The following SDK1 variants were observed in gnomAD, a reference collection of about 807,000 sequenced individuals.
SDK1 encodes the protein protein sidekick-1.
SDK1 carries 157 observed loss-of-function variants against 245.5 expected under a neutral mutation model. That is an observed-to-expected ratio of 0.64 (90% CI 0.56 to 0.73). The LOEUF (loss-of-function observed/expected upper bound fraction) is 0.73, where lower values mean the gene tolerates loss of function less well. Among genes scored for constraint, SDK1 ranks in the 30% least tolerant of loss-of-function variants. The pLI is 0.00. For missense variants in SDK1, 3,583 were observed against 3,002.3 expected, an observed-to-expected ratio of 1.19 and a Z score of -4.52; for synonymous variants, 1,647 against 1,278.5, an observed-to-expected ratio of 1.29 and a Z score of -6.15.
At position 4,245,814 on chromosome 7, in the gene SDK1, C is replaced by G. The variant is rs562789978; in HGVS notation, c.6381+9C>G. 1.2e-6 allele frequency: 2 copies of G among 1,613,552 alleles called. No homozygotes were observed. The highest frequency in any genetic ancestry group is 2.7e-5 in the African/African-American group (2 of 75,034). ...ATGCATCAGAATCTGAGGTCAGTGTCGGTGCCTACTTCCGGGCAGTGACCA... is the reference window on the plus strand; with the variant it reads ...ATGCATCAGAATCTGAGGTCAGTGTGGGTGCCTACTTCCGGGCAGTGACCA... On this transcript the variant is annotated intron_variant, in intron 44 of 44. Transcript: ENST00000404826.
At chr7:3,446,824 A>G (rs1780356134) in intron 1 of SDK1, among the ~76,000 whole-genome samples, 1 of 152,156 alleles carries the variant, frequency 6.6e-6, no homozygotes, top group South Asian at 2.1e-4. Context: ...TGAACAGTCA[A>G]GTGGGTTTGC....
At chr7:3,670,911 AACCTTCTTTGATTCC>A (rs2128662718) in intron 4 of SDK1, among the ~76,000 whole-genome samples, 1 of 152,332 alleles carries the variant, frequency 6.6e-6, no homozygotes, top group Admixed American at 6.5e-5. Context: ...TTTTTTAGGA[AACCTTCTTTGATTCC>A]TACAAGGACA....
rs754503468 is a variant in SDK1 at position 3,951,825 on chromosome 7, C to T, written c.1055C>T (p.Pro352Leu). ...GGAAGACGCCTCACCATCAGCAACC[C>T]GACGTCCGCGGACACCGGGCCATAC... ...SFGRRLTISN[P>L]TSADTGPYVC... Residue 352 changes from proline to leucine, a missense_variant, in exon 7 of 45, where the codon CCG becomes CTG. Physicochemically the swap from Pro to Leu is moderately conservative, Grantham distance 98. Coordinates refer to ENST00000404826, the MANE Select transcript of SDK1 (RefSeq NM_152744.4). 10 of 1,613,746 alleles carry T rather than the reference C, an allele frequency of 6.2e-6. No homozygotes were observed. Among genetic ancestry groups the T allele is most frequent in the African/African-American group, 1.3e-5 (1 of 74,920 alleles).
At chr7:3,842,710 C>A (rs926332653) in intron 5 of SDK1, among the ~76,000 whole-genome samples, 24 of 152,140 alleles carry the variant, frequency 1.6e-4, no homozygotes, top group Non-Finnish European at 5.9e-5. Context: ...CCTAGACCAG[C>A]TAAAATGCTG....
chr7:3,562,166 C>T (rs1044489408), intron 1 of SDK1, among the ~76,000 whole-genome samples: 10 of 152,152 alleles, frequency 6.6e-5, no homozygotes, highest in African/African-American at 2.4e-4. Context: ...CTGCATAGCA[C>T]CCTAGTGAAA....
At chr7:3,820,105 C>T (rs1011913704) in intron 4 of SDK1, among the ~76,000 whole-genome samples, 4 of 152,180 alleles carry the variant, frequency 2.6e-5, no homozygotes, top group African/African-American at 9.7e-5. Flanking sequence ...ATCTTACCTT[C>T]TATGCCAAAT....
chr7:3,633,943 T>A lies in SDK1; in HGVS notation c.459-5061T>A, dbSNP rs1287057567. On this transcript the variant is annotated intron_variant, in intron 2 of 44. Transcript: ENST00000404826. ...CTTGAGCCACTGCCCTAGTTGGCAC[T>A]GGACACTCCCCTACTCCCCTGGACT... Among the ~76,000 whole-genome samples, 5 of 152,062 alleles carry A rather than the reference T, an allele frequency of 3.3e-5. No homozygotes were observed. In the East Asian group the frequency reaches 9.7e-4, roughly 29 times the overall value.
At chr7:3,775,816 T>G (rs1239172776) in intron 4 of SDK1, among the ~76,000 whole-genome samples, 1 of 152,156 alleles carries the variant, frequency 6.6e-6, no homozygotes, top group East Asian at 1.9e-4. Flanking sequence ...GACCTCATGA[T>G]CCACCCGCCT....
intron 4 of SDK1, among the ~76,000 whole-genome samples, chr7:3,672,677 GTTA>G (rs1021306810): frequency 3.9e-5 from 5 of 129,220 alleles, no homozygotes; most frequent in Non-Finnish European, 8.1e-5. Context: ...ATATAAATTT[GTTA>G]TTAAATAAAA....
At chr7:3,487,126 T>A (rs1021779613) in intron 1 of SDK1, among the ~76,000 whole-genome samples, 1 of 152,186 alleles carries the variant, frequency 6.6e-6, no homozygotes, top group African/African-American at 2.4e-5. Flanking sequence ...AAAATTTTAT[T>A]TACAAAAACA....
intron 1 of SDK1, among the ~76,000 whole-genome samples, chr7:3,368,803 TGA>T (rs1562444799): frequency 2.6e-5 from 4 of 152,224 alleles, no homozygotes; most frequent in Non-Finnish European, 5.9e-5. Context: ...GAACCGTGTG[TGA>T]CATGTATTAG....
At chr7:4,094,076 A>G (rs1335560373) in intron 22 of SDK1, among the ~76,000 whole-genome samples, 1 of 151,610 alleles carries the variant, frequency 6.6e-6, no homozygotes, top group Non-Finnish European at 1.5e-5. Flanking sequence ...GCTTTTTTTG[A>G]GACGGACTCT....
intron 4 of SDK1, among the ~76,000 whole-genome samples, chr7:3,734,301 G>A (rs1198084359): frequency 6.6e-6 from 1 of 152,202 alleles, no homozygotes; most frequent in Non-Finnish European, 1.5e-5. Context: ...ATGGATACAT[G>A]AATTCTGTGA....
chr7:3,794,544 A>G (rs536805820), intron 4 of SDK1, among the ~76,000 whole-genome samples: 5 of 152,302 alleles, frequency 3.3e-5, no homozygotes, highest in East Asian at 3.9e-4. Context: ...ATTAATGGTT[A>G]TCATGGGAGT....
chr7:4,203,362 G>C (rs1410920052), intron 35 of SDK1, among the ~76,000 whole-genome samples: 2 of 152,190 alleles, frequency 1.3e-5, no homozygotes, highest in African/African-American at 2.4e-5. Flanking sequence ...CCAAGGACCT[G>C]AGTCACTCAG....
intron 1 of SDK1, among the ~76,000 whole-genome samples, chr7:3,541,333 A>G (rs1327836770): frequency 3.3e-5 from 5 of 152,226 alleles, no homozygotes. Flanking sequence ...ACTTGCTCAG[A>G]GCCATGCAGG....
chr7:4,069,245 T>G (rs1238257583), intron 20 of SDK1, among the ~76,000 whole-genome samples: 1 of 152,136 alleles, frequency 6.6e-6, no homozygotes, highest in Admixed American at 6.5e-5. Flanking sequence ...TTGAGAGAAG[T>G]TGTATCAGTG....
At chr7:3,331,642 GT>G (rs1780071876) in intron 1 of SDK1, among the ~76,000 whole-genome samples, 1 of 152,086 alleles carries the variant, frequency 6.6e-6, no homozygotes, top group Non-Finnish European at 1.5e-5. Context: ...ATCTTTTGTT[GT>G]GCTTTTGGTG....
intron 32 of SDK1, among the ~76,000 whole-genome samples, chr7:4,168,390 C>T (rs1421319297): frequency 1.3e-5 from 2 of 152,244 alleles, no homozygotes; most frequent in Non-Finnish European, 2.9e-5. Context: ...TTTCTTATAG[C>T]TCTAAATCAT....
Sources: gnomAD v4.1 joint callset for allele counts (sites outside exome capture counted in the v4.1 genomes callset) on GRCh38, gnomAD v4.1.1 for gene constraint, MANE v1.5 for transcripts, NCBI Gene and HGNC (gene_info 2026-07-23, HGNC 2026-07-21) for gene names.